The following ADAMTS3 variants were observed in gnomAD, a reference collection of about 807,000 sequenced individuals.
ADAMTS3 encodes A disintegrin and metalloproteinase with thrombospondin motifs 3.
A neutral mutation model predicts 129.0 loss-of-function variants in ADAMTS3; 73 were observed. The observed-to-expected ratio is 0.57, with a 90% confidence interval of 0.47 to 0.69. The LOEUF is 0.69. Ranked by LOEUF, ADAMTS3 falls within the 30% of genes least tolerant of loss-of-function variation. ADAMTS3 has a pLI of 0.00. For missense variants in ADAMTS3, 1,457 were observed against 1,514.5 expected, an observed-to-expected ratio of 0.96 and a Z score of 0.63; for synonymous variants, 477 against 510.8, an observed-to-expected ratio of 0.93 and a Z score of 0.89.
Position 72,318,610 on chromosome 4 carries a change from G to A in ADAMTS3, c.1447C>T (p.Arg483Cys). The change falls in exon 10 of 22, where the codon CGT becomes TGT. Residue 483 changes from arginine to cysteine, a missense_variant. Transcript: ENST00000286657. ...GINYSMDEQC[R>C]FDFGVGYKMC... is the part of the protein sequence containing the mutation. ...TTATAGCCAACACCAAAATCAAAACGACATTGCTCATCCATAGAATAATTG... is the reference window on the plus strand; with the variant it reads ...TTATAGCCAACACCAAAATCAAAACAACATTGCTCATCCATAGAATAATTG... 3 of 1,613,692 alleles carry A rather than the reference G, an allele frequency of 1.9e-6. No homozygotes were observed. Among genetic ancestry groups the A allele is most frequent in the Non-Finnish European group, 2.5e-6 (3 of 1,179,852 alleles).
At chr4:72,393,283 G>C (rs74647340) in intron 4 of ADAMTS3, among the ~76,000 whole-genome samples, 3 of 152,046 alleles carry the variant, frequency 2.0e-5, no homozygotes, top group Admixed American at 2.0e-4. Context: ...ATATAATCTC[G>C]ATATGTTAGA....
At chr4:72,381,519 TG>T (rs1721288111) in intron 4 of ADAMTS3, among the ~76,000 whole-genome samples, 1 of 152,154 alleles carries the variant, frequency 6.6e-6, no homozygotes, top group Non-Finnish European at 1.5e-5. Context: ...GGACCCAGCA[TG>T]TATGCCTGCT....
chr4:72,503,394 T>A (rs879481555), intron 3 of ADAMTS3, among the ~76,000 whole-genome samples: 1 of 152,194 alleles, frequency 6.6e-6, no homozygotes, highest in Non-Finnish European at 1.5e-5. Context: ...GTTGTTTAAT[T>A]TCCATGTAAC....
At chr4:72,483,021 A>G (rs1438661949) in intron 3 of ADAMTS3, among the ~76,000 whole-genome samples, 1 of 152,206 alleles carries the variant, frequency 6.6e-6, no homozygotes, top group African/African-American at 2.4e-5. Flanking sequence ...AAAGTGTGCT[A>G]ATGAAAAACT....
chr4:72,367,186 C>CT (rs1720889853), intron 4 of ADAMTS3, among the ~76,000 whole-genome samples: 1 of 152,108 alleles, frequency 6.6e-6, no homozygotes. Flanking sequence ...GTTTCTGATA[C>CT]TTCTCTAAAT....
chr4:72,379,722 A>C (rs903804975), intron 4 of ADAMTS3, among the ~76,000 whole-genome samples: 4 of 152,192 alleles, frequency 2.6e-5, no homozygotes, highest in African/African-American at 9.7e-5. Context: ...AGTATCATAC[A>C]CTTCAGTCTC....
intron 17 of ADAMTS3, among the ~76,000 whole-genome samples, chr4:72,300,115 T>C (rs1033880823): frequency 6.6e-6 from 1 of 151,794 alleles, no homozygotes; most frequent in Admixed American, 6.6e-5. Context: ...TTTTCTGTCT[T>C]TTTTTTTAAA....
At chr4:72,462,265 T>G (rs1474143591) in intron 3 of ADAMTS3, among the ~76,000 whole-genome samples, 1 of 151,900 alleles carries the variant, frequency 6.6e-6, no homozygotes, top group East Asian at 1.9e-4. Flanking sequence ...CCTCACGAGA[T>G]TATCAACATC....
intron 4 of ADAMTS3, among the ~76,000 whole-genome samples, chr4:72,340,774 AAG>A: frequency 6.6e-6 from 1 of 152,272 alleles, no homozygotes; most frequent in Admixed American, 6.5e-5. Flanking sequence ...TTGAGAAAAA[AAG>A]TTTTAGTGAA....
chr4:72,314,258 T>C (rs555668778), intron 11 of ADAMTS3, among the ~76,000 whole-genome samples: 2 of 152,202 alleles, frequency 1.3e-5, no homozygotes, highest in Non-Finnish European at 2.9e-5. Flanking sequence ...TAATATAACA[T>C]GTCTAAAACA....
At chr4:72,489,988 T>A (rs1719698240) in intron 3 of ADAMTS3, among the ~76,000 whole-genome samples, 1 of 151,832 alleles carries the variant, frequency 6.6e-6, no homozygotes, top group African/African-American at 2.4e-5. Flanking sequence ...ATCAGTAGTG[T>A]ACAGACATTC....
chr4:72,281,251 C>A lies in ADAMTS3; in HGVS notation c.*1885G>T, dbSNP rs1718334264. On this transcript the variant is annotated 3_prime_UTR_variant, in exon 22 of 22. Transcript: ENST00000286657. ...TAAGGCTTAGGGATTGTTTTACTAT[C>A]TGGAATTTGCCTAATTTGACCTTCA... is the stretch of plus-strand genomic sequence containing the variant. 2 of 152,374 alleles carry A rather than the reference C, an allele frequency of 1.3e-5. No homozygotes were observed. Among genetic ancestry groups the A allele is most frequent in the Non-Finnish European group, 2.9e-5 (2 of 67,972 alleles). The allele number at this position is 152,374 out of a possible 1,614,324, so 9.4% of individuals were successfully genotyped here.
chr4:72,490,813 AGG>A (rs1560536287), intron 3 of ADAMTS3, among the ~76,000 whole-genome samples: 2 of 151,852 alleles, frequency 1.3e-5, no homozygotes, highest in African/African-American at 2.4e-5. Context: ...TTGGCTACTC[AGG>A]GTCTTTTGTG....
chr4:72,429,416 ACAGT>A (rs1048629134), intron 3 of ADAMTS3, among the ~76,000 whole-genome samples: 1 of 152,074 alleles, frequency 6.6e-6, no homozygotes, highest in Non-Finnish European at 1.5e-5. Flanking sequence ...ATATCTACCA[ACAGT>A]CAGTTGTTAT....
Position 72,283,018 on chromosome 4 carries a change from A to G in ADAMTS3, c.*118T>C. The stretch of plus-strand genomic sequence containing the variant: ...GCCAGCACTTTCTGTTCTTCCAATT[A>G]CAGATAAAATGAGCTGACGATCTAT... On this transcript the variant is annotated 3_prime_UTR_variant, in exon 22 of 22. Coordinates refer to ENST00000286657, the MANE Select transcript of ADAMTS3 (RefSeq NM_014243.3). The G allele has an allele frequency of 9.3e-6, 8 of 860,170 alleles. No homozygotes were observed. Among genetic ancestry groups the G allele is most frequent in the Non-Finnish European group, 1.1e-5 (6 of 559,592 alleles). 53.3% of individuals were successfully genotyped at this position (860,170 alleles called of 1,614,324 possible).
chr4:72,363,829 T>C (rs776824140), intron 4 of ADAMTS3, among the ~76,000 whole-genome samples: 3 of 152,088 alleles, frequency 2.0e-5, no homozygotes, highest in Non-Finnish European at 4.4e-5. Context: ...TTTAAAACCT[T>C]AAGCGTGGGA....
intron 3 of ADAMTS3, among the ~76,000 whole-genome samples, chr4:72,429,989 G>A (rs977663069): frequency 6.6e-6 from 1 of 152,012 alleles, no homozygotes; most frequent in Admixed American, 6.6e-5. Flanking sequence ...AGGTAACACT[G>A]ATGCTTCTGC....
At chr4:72,561,449 G>A (rs1331953298) in intron 2 of ADAMTS3, among the ~76,000 whole-genome samples, 1 of 152,024 alleles carries the variant, frequency 6.6e-6, no homozygotes, top group Non-Finnish European at 1.5e-5. Flanking sequence ...AGGCTGCAGT[G>A]AGCCATGACT....
intron 3 of ADAMTS3, among the ~76,000 whole-genome samples, chr4:72,455,490 G>C (rs899517759): frequency 1.3e-5 from 2 of 151,212 alleles, no homozygotes; most frequent in South Asian, 2.1e-4. Flanking sequence ...GGGAACTATG[G>C]GAGCGATAGC....
Sources: gnomAD v4.1 joint callset for allele counts (sites outside exome capture counted in the v4.1 genomes callset) on GRCh38, gnomAD v4.1.1 for gene constraint, MANE v1.5 for transcripts, NCBI Gene and HGNC (gene_info 2026-07-23, HGNC 2026-07-21) for gene names.